The following CEP192 variants were observed in gnomAD, a reference collection of about 807,000 sequenced individuals.
The protein encoded by CEP192 is centrosomal protein of 192 kDa.
CEP192 carries 151 observed loss-of-function variants against 271.8 expected under a neutral mutation model. The ratio of observed to expected loss-of-function variants is 0.56; its 90% CI spans 0.49 to 0.64. The LOEUF (loss-of-function observed/expected upper bound fraction) is 0.64. Among genes scored for constraint, CEP192 ranks in the 30% least tolerant of loss-of-function variants. The probability of loss-of-function intolerance (pLI) is 0.00; values close to 1 mark genes in which losing one functional copy is unlikely to be tolerated. For missense variants in CEP192, 2,910 were observed against 3,020.5 expected, an observed-to-expected ratio of 0.96 and a Z score of 0.86; for synonymous variants, 995 against 1,076.5, an observed-to-expected ratio of 0.92 and a Z score of 1.48.
chr18:13,103,569 T>C lies in CEP192; in HGVS notation c.6932T>C (p.Leu2311Ser), dbSNP rs1232555935. Residue 2311 changes from leucine (L) to serine (S), a missense_variant, in exon 39 of 45, where the codon TTA becomes TCA. By Grantham distance (145) the Leu-to-Ser change is moderately radical. Coordinates refer to ENST00000506447, the MANE Select transcript of CEP192 (RefSeq NM_032142.4). ...TTDVKWHLSSLAPPYVKGVDE... is the reference protein window; with the variant it reads ...TTDVKWHLSSSAPPYVKGVDE... ...GACGTGAAATGGCATCTGTCATCTT[T>C]AGCGCCACCTTATGTCAAGGTCAGT... 2 of 1,613,572 alleles carry C rather than the reference T, an allele frequency of 1.2e-6. No individual in the cohort carries two copies. The highest frequency in any genetic ancestry group is 1.7e-6 in the Non-Finnish European group (2 of 1,179,592).
intron 2 of CEP192, among the ~76,000 whole-genome samples, chr18:13,000,884 CAG>C (rs1338297883): frequency 6.6e-6 from 1 of 152,208 alleles, no homozygotes; most frequent in Non-Finnish European, 1.5e-5. Context: ...ACCCGGAAGG[CAG>C]AGATTGCAGT....
intron 13 of CEP192, among the ~76,000 whole-genome samples, chr18:13,039,442 C>T (rs912980816): frequency 1.1e-4 from 15 of 135,800 alleles, no homozygotes; most frequent in African/African-American, 3.1e-4. Context: ...GGCAACAGAG[C>T]GAGACTCCAT....
chr18:13,119,203 CA>C (rs764068064), intron 44 of CEP192, among the ~76,000 whole-genome samples: 6 of 152,182 alleles, frequency 3.9e-5, no homozygotes, highest in Non-Finnish European at 7.3e-5. Flanking sequence ...TAACTGAGTA[CA>C]AATAGATACT....
intron 10 of CEP192, 113 bp from the exon 11 acceptor site, chr18:13,030,352 T>C: frequency 1.1e-6 from 1 of 929,228 alleles, no homozygotes; most frequent in Non-Finnish European, 1.6e-6. Flanking sequence ...TTTGGCAAAC[T>C]TCAGTACTGT....
At chr18:13,112,177 G>A (rs2040238512) in intron 40 of CEP192, among the ~76,000 whole-genome samples, 1 of 152,346 alleles carries the variant, frequency 6.6e-6, no homozygotes, top group East Asian at 1.9e-4. Flanking sequence ...GTTCACAAGT[G>A]TTCACAGCAG....
At chr18:13,118,630 T>C (rs1006981673) in intron 44 of CEP192, among the ~76,000 whole-genome samples, 1 of 152,204 alleles carries the variant, frequency 6.6e-6, no homozygotes, top group African/African-American at 2.4e-5. Context: ...GTTCTGAAAA[T>C]TCAACAATGA....
rs1040621940 is a variant in CEP192, at chr18:13,029,925, T to G, written c.1313T>G (p.Phe438Cys). 6.4e-7 allele frequency: 1 copy of G among 1,551,512 alleles called. No homozygotes were observed. Among genetic ancestry groups the G allele is most frequent in the African/African-American group, 1.4e-5 (1 of 73,066 alleles). ...CCCATTAGTGACAGTGGAATTAATTTCACTGATGCCATTTGGTCACCAACT... is the reference window on the plus strand; with the variant it reads ...CCCATTAGTGACAGTGGAATTAATTGCACTGATGCCATTTGGTCACCAACT... ...LKPISDSGIN[F>C]TDAIWSPTCE... The change falls in exon 10 of 45, where the codon TTC becomes TGC. Residue 438 changes from phenylalanine (F) to cysteine (C), a missense_variant. Phe to Cys is a radical substitution (Grantham distance 205). Transcript: ENST00000506447.
chr18:13,017,689 T>A (rs1298089993), intron 7 of CEP192, among the ~76,000 whole-genome samples: 3 of 152,216 alleles, frequency 2.0e-5, no homozygotes, highest in Non-Finnish European at 4.4e-5. Context: ...CTCGAATACT[T>A]CAGCATTTAT....
chr18:13,045,864 G>A (rs1003989080), intron 15 of CEP192, among the ~76,000 whole-genome samples: 3 of 152,116 alleles, frequency 2.0e-5, no homozygotes, highest in African/African-American at 7.2e-5. Context: ...GTCAATACCA[G>A]CTTTCTTTGG....
At chr18:13,044,464 C>G (rs2143872595) in intron 15 of CEP192, among the ~76,000 whole-genome samples, 1 of 152,126 alleles carries the variant, frequency 6.6e-6, no homozygotes, top group East Asian at 1.9e-4. Flanking sequence ...ACAACGTGGT[C>G]TTCTAATCTT....
At chr18:13,074,837 C>T (rs76915094) in intron 30 of CEP192, among the ~76,000 whole-genome samples, 4,600 of 152,322 alleles carry the variant, frequency 0.03, 92 homozygotes, top group Middle Eastern at 0.095. Flanking sequence ...AGCCCTGTCT[C>T]TGTTACTTAC....
Position 13,001,475 on chromosome 18 carries a change from A to G in CEP192, c.183A>G (p.Ala61=). The change falls in exon 3 of 45, where the codon GCA becomes GCG. Residue 61 remains alanine, a synonymous_variant. Transcript: ENST00000506447. ...TGTATAGGTATCCTGATATCCAGGC[A>G]TCTTACTTAGTAGAAGGGAGATTTT... ...STDNRYPDIQ[A]SYLVEGRFSV... is the part of the protein sequence containing the mutation. 6.5e-7 allele frequency: 1 copy of G among 1,546,134 alleles called. No homozygotes were observed. Among genetic ancestry groups the G allele is most frequent in the Non-Finnish European group, 8.7e-7 (1 of 1,143,514 alleles).
At chr18:13,015,247 T>C (rs7239379) in intron 5 of CEP192, 81 bp from the exon 6 acceptor site, 121,053 of 1,293,960 alleles carry the variant, frequency 0.094, 7,836 homozygotes, top group African/African-American at 0.29. Flanking sequence ...TGAGAACATA[T>C]TTGGTCCTTT....
intron 17 of CEP192, among the ~76,000 whole-genome samples, chr18:13,052,205 G>A (rs557720801): frequency 6.6e-6 from 1 of 152,156 alleles, no homozygotes; most frequent in Non-Finnish European, 1.5e-5. Flanking sequence ...CTCACTATTT[G>A]TCACTTCCTG....
intron 36 of CEP192, among the ~76,000 whole-genome samples, chr18:13,096,875 G>C (rs1298268546): frequency 1.3e-5 from 2 of 152,180 alleles, no homozygotes; most frequent in Non-Finnish European, 2.9e-5. Context: ...CCTGCCCTCT[G>C]TCCACAGCCT....
chr18:13,085,784 T>A (rs1458571137), intron 30 of CEP192, among the ~76,000 whole-genome samples: 1 of 152,238 alleles, frequency 6.6e-6, no homozygotes, highest in Admixed American at 6.5e-5. Flanking sequence ...CCATGCTGTT[T>A]TGGTTACTGT....
intron 11 of CEP192, among the ~76,000 whole-genome samples, chr18:13,035,150 T>C (rs2035850294): frequency 6.6e-6 from 1 of 152,190 alleles, no homozygotes; most frequent in African/African-American, 2.4e-5. Context: ...TCCCTTATAG[T>C]TCAGAGAAAA....
In CEP192 at chr18:13,124,954, T is replaced by C; in HGVS notation, c.*184T>C. ...ATATTATGTATCTAGCCCATAGTAT[T>C]GTACTTAACTTTTACAGGTGAGAAG... On this transcript the variant is annotated 3_prime_UTR_variant, in exon 45 of 45. Coordinates refer to ENST00000506447, the MANE Select transcript of CEP192 (RefSeq NM_032142.4). 1 of 474,174 alleles carries C rather than the reference T, an allele frequency of 2.1e-6. No homozygotes were observed. Among genetic ancestry groups the C allele is most frequent in the Non-Finnish European group, 3.8e-6 (1 of 265,132 alleles). 29.4% of individuals were successfully genotyped at this position (474,174 alleles called of 1,614,324 possible).
At chr18:13,086,359 G>C (rs1385289706) in intron 30 of CEP192, among the ~76,000 whole-genome samples, 1 of 152,160 alleles carries the variant, frequency 6.6e-6, no homozygotes, top group Non-Finnish European at 1.5e-5. Flanking sequence ...CTTCCTATTT[G>C]AAGACGCTTT....
Sources: allele counts gnomAD v4.1 joint callset (sites outside exome capture counted in the v4.1 genomes callset), GRCh38; gene constraint gnomAD v4.1.1; transcripts MANE v1.5; gene names NCBI Gene and HGNC (gene_info 2026-07-23, HGNC 2026-07-21).